SCAPER: variants seen among roughly 807,000 people sequenced by gnomAD.
The protein encoded by SCAPER is S phase cyclin A-associated protein in the endoplasmic reticulum.
Under a neutral mutation model 182.2 loss-of-function variants are expected in SCAPER, and 98 were observed. The ratio of observed to expected loss-of-function variants is 0.54; its 90% confidence interval spans 0.46 to 0.64. The LOEUF (loss-of-function observed/expected upper bound fraction) is 0.64, where lower values mean the gene tolerates loss of function less well. Ranked by LOEUF, SCAPER falls within the 30% of genes least tolerant of loss-of-function variation. SCAPER has a pLI of 0.00. For synonymous variants in SCAPER, 605 were observed against 564.6 expected, an observed-to-expected ratio of 1.07 and a Z score of -1.01; for missense variants, 1,432 against 1,690.0, an observed-to-expected ratio of 0.85 and a Z score of 2.68.
chr15:76,855,457 C>CAAAAAAAAAA (rs34226154), intron 4 of SCAPER, among the ~76,000 whole-genome samples: 9 of 116,302 alleles, frequency 7.7e-5, no homozygotes, highest in South Asian at 2.9e-4. Context: ...TTCTGCACAG[C>CAAAAAAAAAA]AAAAAAAAAA....
At chr15:76,794,338 C>G (rs1182291121) in intron 8 of SCAPER, among the ~76,000 whole-genome samples, 1 of 152,130 alleles carries the variant, frequency 6.6e-6, no homozygotes, top group African/African-American at 2.4e-5. Flanking sequence ...ATTTTTACAA[C>G]ACATTTCTCT....
chr15:76,808,632 AGCT>A (rs1780079905), intron 5 of SCAPER, among the ~76,000 whole-genome samples: 1 of 152,218 alleles, frequency 6.6e-6, no homozygotes, highest in Admixed American at 6.5e-5. Flanking sequence ...TGACTTCTCC[AGCT>A]GCTACCTGAA....
intron 29 of SCAPER, among the ~76,000 whole-genome samples, chr15:76,358,904 CA>C (rs1361287906): frequency 6.6e-6 from 1 of 152,206 alleles, no homozygotes; most frequent in Non-Finnish European, 1.5e-5. Context: ...CATGAAGCTA[CA>C]GCTCAAGAGT....
intron 21 of SCAPER, among the ~76,000 whole-genome samples, chr15:76,627,234 AAG>A (rs1194367208): frequency 1.1e-5 from 1 of 89,616 alleles, no homozygotes; most frequent in Admixed American, 1.5e-4. Context: ...TTATTAAAAA[AAG>A]AGGCTATTTT....
chr15:76,386,328 T>C (rs1375250977), intron 27 of SCAPER, among the ~76,000 whole-genome samples: 2 of 152,210 alleles, frequency 1.3e-5, no homozygotes, highest in African/African-American at 4.8e-5. Context: ...AACTTTATTA[T>C]GCCTACTCCA....
chr15:76,694,937 G>GA (rs750893580), intron 20 of SCAPER, among the ~76,000 whole-genome samples: 1 of 151,750 alleles, frequency 6.6e-6, no homozygotes, highest in African/African-American at 2.4e-5. Context: ...TGCTGTAAAG[G>GA]AAAAAACCAA....
Position 76,601,948 on chromosome 15 carries a change from G to A in SCAPER, c.2711+19816C>T, listed in dbSNP as rs1388537860. Among the ~76,000 whole-genome samples the A allele has an allele frequency of 2.3e-4, 28 of 120,592 alleles. 3 individuals are homozygous for A. Among genetic ancestry groups the A allele is most frequent in the African/African-American group, 6.8e-4 (27 of 39,548 alleles). The allele number at this position is 120,592 out of a possible 152,430, so 79.1% of individuals were successfully genotyped here. ...TCCTGCAGTCGGCCCCTTGGAATCT[G>A]CAAATACGAAAAGTCAGCCCTCCAT... is the stretch of plus-strand genomic sequence containing the variant. On this transcript the variant is annotated intron_variant, in intron 22 of 31. Coordinates refer to ENST00000563290, the MANE Select transcript of SCAPER (RefSeq NM_020843.4).
chr15:76,798,377 A>ATTT lies in SCAPER; in HGVS notation c.611+1870_611+1871insAAA, dbSNP rs576824109. On this transcript the variant is annotated intron_variant, in intron 7 of 31. Coordinates refer to ENST00000563290, the MANE Select transcript of SCAPER (RefSeq NM_020843.4). ...TATATCTTAAAAAAAAAAAAAAAGA[A>ATTT]AAGAAAAAGAAAAAGAAAAAATGAA... 5.9e-4 allele frequency among the ~76,000 whole-genome samples: 89 copies of ATTT among 151,780 alleles called. 1 individual carries two copies. The highest frequency in any genetic ancestry group is 2.0e-3 in the African/African-American group (82 of 41,458).
intron 25 of SCAPER, 89 bp downstream of exon 25, chr15:76,471,123 G>T: frequency 4.7e-5 from 44 of 936,826 alleles, no homozygotes; most frequent in Non-Finnish European, 5.2e-5. Flanking sequence ...CATCTGGAGA[G>T]TAACTAAGTT....
At chr15:76,620,897 C>A (rs1054430674) in intron 22 of SCAPER, among the ~76,000 whole-genome samples, 8 of 152,152 alleles carry the variant, frequency 5.3e-5, no homozygotes, top group Admixed American at 4.6e-4. Context: ...ATAGCTAATG[C>A]ATGCTGGGCT....
At chr15:76,668,587 C>T (rs943413410) in intron 20 of SCAPER, among the ~76,000 whole-genome samples, 1 of 152,210 alleles carries the variant, frequency 6.6e-6, no homozygotes, top group Non-Finnish European at 1.5e-5. Context: ...TGGGTATTTA[C>T]GTGGTCTTGA....
chr15:76,489,356 T>C lies in SCAPER; in HGVS notation c.2954+15503A>G, dbSNP rs138660060. Among the ~76,000 whole-genome samples the C allele has an allele frequency of 9.9e-5, 15 of 151,586 alleles. 1 individual carries two copies. Among genetic ancestry groups the C allele is most frequent in the African/African-American group, 2.7e-4 (11 of 41,388 alleles). On this transcript the variant is annotated intron_variant, in intron 24 of 31. Transcript: ENST00000563290. Reference sequence around the variant, plus strand: ...AACATTAGCCCTTTTCTTAAAGAGTTTGAACAAATGCATTCAGTTGTGAAA... The same window carrying C: ...AACATTAGCCCTTTTCTTAAAGAGTCTGAACAAATGCATTCAGTTGTGAAA...
intron 5 of SCAPER, among the ~76,000 whole-genome samples, chr15:76,825,800 A>T (rs1265998252): frequency 6.6e-6 from 1 of 152,218 alleles, no homozygotes; most frequent in African/African-American, 2.4e-5. Context: ...GCTGGAGTAC[A>T]GTGAGGTGAC....
At chr15:76,438,907 G>A (rs1391685465) in intron 25 of SCAPER, among the ~76,000 whole-genome samples, 1 of 152,108 alleles carries the variant, frequency 6.6e-6, no homozygotes, top group East Asian at 1.9e-4. Flanking sequence ...TGTCTCAAAG[G>A]ACATTTTATT....
intron 7 of SCAPER, among the ~76,000 whole-genome samples, chr15:76,797,829 T>C (rs2065439434): frequency 6.6e-6 from 1 of 150,994 alleles, no homozygotes; most frequent in South Asian, 2.1e-4. Flanking sequence ...AGCACTAAAC[T>C]AACAGTAACA....
intron 27 of SCAPER, among the ~76,000 whole-genome samples, chr15:76,383,622 T>A (rs2043110455): frequency 1.3e-5 from 2 of 152,224 alleles, no homozygotes; most frequent in South Asian, 2.1e-4. Context: ...GGTAGAGAAG[T>A]TATTCATCCT....
At chr15:76,882,086 A>G (rs926544329) in intron 2 of SCAPER, among the ~76,000 whole-genome samples, 1 of 152,132 alleles carries the variant, frequency 6.6e-6, no homozygotes, top group Non-Finnish European at 1.5e-5. Flanking sequence ...AGGACAGTGG[A>G]ATCTCTTTTG....
intron 23 of SCAPER, among the ~76,000 whole-genome samples, chr15:76,515,817 T>A (rs1240375366): frequency 6.6e-6 from 1 of 152,188 alleles, no homozygotes; most frequent in Non-Finnish European, 1.5e-5. Context: ...ATTTGCTGAA[T>A]CAAAGAATAA....
At chr15:76,389,969 T>C (rs2043571858) in intron 27 of SCAPER, among the ~76,000 whole-genome samples, 1 of 151,962 alleles carries the variant, frequency 6.6e-6, no homozygotes, top group Admixed American at 6.5e-5. Flanking sequence ...CTTTTTTTTT[T>C]CTTTTGAGGC....
Sources: gnomAD v4.1 joint callset for allele counts (sites outside exome capture counted in the v4.1 genomes callset) on GRCh38, gnomAD v4.1.1 for gene constraint, MANE v1.5 for transcripts, NCBI Gene and HGNC (gene_info 2026-07-23, HGNC 2026-07-21) for gene names.